Variants in MOCOS observed in about 807,000 individuals in gnomAD.
The protein encoded by MOCOS is human molybdenum cofactor sulfurase.
A neutral mutation model predicts 83.6 loss-of-function variants in MOCOS; 86 were observed. The observed-to-expected ratio is 1.03, with a 90% CI of 0.86 to 1.23. The LOEUF is 1.23. MOCOS is among the 50% of genes most tolerant of loss of function. MOCOS has a pLI of 0.00. For synonymous variants in MOCOS, 445 were observed against 434.7 expected (o/e 1.02, Z -0.29); for missense variants, 1,120 against 1,126.9 (o/e 0.99, Z 0.09).
chr18:36,253,973 A>G lies in MOCOS; in HGVS notation c.2164+2690A>G, dbSNP rs180868363. Among the ~76,000 whole-genome samples, 62 of 152,286 alleles carry G rather than the reference A, an allele frequency of 4.1e-4. 1 individual carries two copies. The highest frequency in any genetic ancestry group is 4.1e-3 in the Admixed American group (62 of 15,302). On this transcript the variant is annotated intron_variant, in intron 11 of 14. Transcript: ENST00000261326. Reference sequence around the variant, plus strand: ...GCTGCATCGAGTGGGAAACTCAGGCAGTAAAGGCACAGGTGGGAGGCAGCT... The same window carrying G: ...GCTGCATCGAGTGGGAAACTCAGGCGGTAAAGGCACAGGTGGGAGGCAGCT...
chr18:36,203,034 A>G, intron 4 of MOCOS, 79 bp from the exon 5 acceptor site: 1 of 1,378,082 alleles, frequency 7.3e-7, no homozygotes, highest in African/African-American at 1.4e-5. Context: ...CTAAAATCTA[A>G]AGCTCATTAT....
At chr18:36,190,396 G>A (rs2091360352) in intron 1 of MOCOS, 1 of 152,096 alleles carries the variant, frequency 6.6e-6, no homozygotes. Context: ...GATCAAGGGG[G>A]TGGATTTCCC....
chr18:36,251,050 A>G, intron 10 of MOCOS, 109 bp from the exon 11 acceptor site: 1 of 1,362,160 alleles, frequency 7.3e-7, no homozygotes, highest in Non-Finnish European at 1.0e-6. Context: ...TTCAGGGCTC[A>G]TGCAATGTTT....
intron 11 of MOCOS, among the ~76,000 whole-genome samples, chr18:36,254,597 A>G (rs945633438): frequency 4.1e-5 from 6 of 148,082 alleles, no homozygotes; most frequent in East Asian, 2.0e-4. Context: ...GTGTGTGTGT[A>G]TATATATATA....
intron 13 of MOCOS, among the ~76,000 whole-genome samples, chr18:36,261,510 A>G (rs1471461818): frequency 1.3e-5 from 2 of 152,248 alleles, no homozygotes; most frequent in Non-Finnish European, 2.9e-5. Context: ...TGCACTCAGA[A>G]GGAACACCAC....
At chr18:36,205,492 G>C (rs1484767154) in intron 6 of MOCOS, among the ~76,000 whole-genome samples, 1 of 152,210 alleles carries the variant, frequency 6.6e-6, no homozygotes, top group East Asian at 1.9e-4. Context: ...TCTTCTGATG[G>C]CAGGTGGGAA....
At chr18:36,214,726 GGAGAGGGAGGAGATAGGA>G (rs2091469051) in intron 7 of MOCOS, among the ~76,000 whole-genome samples, 1 of 152,136 alleles carries the variant, frequency 6.6e-6, no homozygotes, top group Non-Finnish European at 1.5e-5. Context: ...TAGGACAGAA[GGAGAGGGAGGAGATAGGA>G]GAGAGGGAGG....
chr18:36,218,837 TTTTA>T (rs34171207), intron 8 of MOCOS, among the ~76,000 whole-genome samples: 12,058 of 133,816 alleles, frequency 0.09, 584 homozygotes, highest in Admixed American at 0.13. Context: ...CTTTATTTTA[TTTTA>T]TTTATTTATT....
At chr18:36,200,346 G>T (rs1258245140) in intron 4 of MOCOS, 22 bp downstream of exon 4, 6 of 1,613,516 alleles carry the variant, frequency 3.7e-6, no homozygotes, top group Non-Finnish European at 5.1e-6. Context: ...ACAGGGGAGG[G>T]GTCAGAGGAG....
At chr18:36,221,189 G>A (rs1389044521) in intron 9 of MOCOS, among the ~76,000 whole-genome samples, 2 of 152,108 alleles carry the variant, frequency 1.3e-5, no homozygotes, top group East Asian at 1.9e-4. Context: ...TGTGACTATT[G>A]AAATGTGGCT....
In MOCOS at chr18:36,239,118, C is replaced by T. The variant is rs1159902586; in HGVS notation, c.1961-9804C>T. The stretch of plus-strand genomic sequence containing the variant: ...GCCAGTCTGTGTCTTTTAATTGGAG[C>T]ATTTAGTCCATTTACATTTAAAGTT... On this transcript the variant is annotated intron_variant, in intron 9 of 14. Coordinates refer to ENST00000261326, the MANE Select transcript of MOCOS (RefSeq NM_017947.4). Among the ~76,000 whole-genome samples the T allele has an allele frequency of 7.3e-3, 1,097 of 150,006 alleles. 18 individuals are homozygous for T. Among genetic ancestry groups the T allele is most frequent in the African/African-American group, 0.026 (1,056 of 41,112 alleles).
chr18:36,226,138 C>G (rs2155828), intron 9 of MOCOS, among the ~76,000 whole-genome samples: 67,851 of 151,676 alleles, frequency 0.45, 15,462 homozygotes, highest in South Asian at 0.59. Flanking sequence ...ATTTATTTTT[C>G]TTTTGCTGTC....
At position 36,215,577 on chromosome 18, in the gene MOCOS, G is replaced by A. The variant is rs1193702860; in HGVS notation, c.1397G>A (p.Arg466Lys). 13 of 1,614,064 alleles carry A rather than the reference G, an allele frequency of 8.1e-6. No homozygotes were observed. The highest frequency in any genetic ancestry group is 1.1e-5 in the Non-Finnish European group (13 of 1,180,038). ...GATGGGCAGCCCACAGGATCTGTGAGGATTTCATTTGGATACATGTCGACG... is the reference window on the plus strand; with the variant it reads ...GATGGGCAGCCCACAGGATCTGTGAAGATTTCATTTGGATACATGTCGACG... ...LIDGQPTGSV[R>K]ISFGYMSTLD... Residue 466 changes from arginine to lysine, a missense_variant, in exon 8 of 15, where the codon AGG becomes AAG. Physicochemically the swap from Arg to Lys is conservative, Grantham distance 26. Transcript: ENST00000261326.
rs62101266 is a variant in MOCOS, at chr18:36,254,503, G to T, written c.2165-2465G>T. ...GTGTGTGTGTGTGTGTGTGTGTATA[G>T]AGAGAGAGAGAGCGAGAGGGAGAGA... On this transcript the variant is annotated intron_variant, in intron 11 of 14. Coordinates refer to ENST00000261326, the MANE Select transcript of MOCOS (RefSeq NM_017947.4). Among the ~76,000 whole-genome samples the T allele has an allele frequency of 4.6e-3, 207 of 45,210 alleles. 2 individuals are homozygous for T. Among genetic ancestry groups the T allele is most frequent in the Middle Eastern group, 0.024 (3 of 126 alleles). 29.7% of individuals were successfully genotyped at this position (45,210 alleles called of 152,430 possible).
chr18:36,222,141 A>G (rs760739515), intron 9 of MOCOS, among the ~76,000 whole-genome samples: 15 of 152,190 alleles, frequency 9.9e-5, no homozygotes, highest in South Asian at 2.1e-4. Flanking sequence ...CTTAATGGAC[A>G]TTTAGATTGT....
intron 1 of MOCOS, among the ~76,000 whole-genome samples, chr18:36,190,589 A>T (rs1199936253): frequency 1.3e-5 from 2 of 151,914 alleles, no homozygotes; most frequent in Admixed American, 1.3e-4. Flanking sequence ...TCTCTACAAA[A>T]TATACAAAAA....
chr18:36,267,859 T>C (rs1306507931), intron 14 of MOCOS, among the ~76,000 whole-genome samples: 1 of 152,236 alleles, frequency 6.6e-6, no homozygotes, highest in East Asian at 1.9e-4. Context: ...ACGGAACAGT[T>C]GCAGTGAGAG....
At chr18:36,192,962 A>G (rs1024837977) in intron 1 of MOCOS, among the ~76,000 whole-genome samples, 1 of 152,146 alleles carries the variant, frequency 6.6e-6, no homozygotes, top group Non-Finnish European at 1.5e-5. Context: ...AGCAATCTTG[A>G]AAAAGAAGAT....
At position 36,187,591 on chromosome 18, in the gene MOCOS, TC is replaced by T; in HGVS notation, c.55del (p.Arg19GlyfsTer8). On this transcript the variant is annotated frameshift_variant, in exon 1 of 15. Transcript: ENST00000261326. LOFTEE classifies it high-confidence loss of function. ...GCGGGAGCTGTGGACCTTCGCGGGT[TC>T]CCGGGACCCGAGCGCACCGCGGCTA... The part of the protein sequence containing the change: ...SGRELWTFAG[S>X]RDPSAPRLAY... 1 of 1,248,128 alleles carries T rather than the reference TC, an allele frequency of 8.0e-7. No individual in the cohort carries two copies. The highest frequency in any genetic ancestry group is 1.0e-6 in the Non-Finnish European group (1 of 995,906). The allele number at this position is 1,248,128 out of a possible 1,614,324, so 77.3% of individuals were successfully genotyped here.
Sources: allele counts gnomAD v4.1 joint callset (sites outside exome capture counted in the v4.1 genomes callset), GRCh38; gene constraint gnomAD v4.1.1; transcripts MANE v1.5; gene names NCBI Gene and HGNC (gene_info 2026-07-23, HGNC 2026-07-21).